Variants in ZNF341 observed in about 807,000 individuals in gnomAD.
ZNF341 encodes the protein zinc finger protein 341.
A neutral mutation model predicts 87.7 loss-of-function variants in ZNF341; 52 were observed. That is an observed-to-expected ratio of 0.59 (90% confidence interval 0.47 to 0.75). The LOEUF (loss-of-function observed/expected upper bound fraction) is 0.75, where lower values mean the gene tolerates loss of function less well. Among genes scored for constraint, ZNF341 ranks in the 30% least tolerant of loss-of-function variants. The probability of loss-of-function intolerance (pLI) is 0.00; values close to 1 mark genes in which losing one functional copy is unlikely to be tolerated. For missense variants in ZNF341, 977 were observed against 1,145.9 expected (o/e 0.85, Z 2.13); for synonymous variants, 459 against 472.7 (o/e 0.97, Z 0.38).
intron 3 of ZNF341, among the ~76,000 whole-genome samples, chr20:33,747,626 A>C (rs1360562455): frequency 7.5e-6 from 1 of 132,828 alleles, no homozygotes; most frequent in Non-Finnish European, 1.5e-5. Flanking sequence ...AAAAAAAAAA[A>C]AAAAAAAAAA....
In ZNF341 at chr20:33,791,293, G is replaced by A. The variant is rs1331429075; in HGVS notation, c.2341G>A (p.Ala781Thr). 9 of 1,611,656 alleles carry A rather than the reference G, an allele frequency of 5.6e-6. No individual in the cohort carries two copies. The highest frequency in any genetic ancestry group is 2.2e-5 in the South Asian group (2 of 91,008). Reference sequence around the variant, plus strand: ...GCTGGAGGAGCTGAAGGACACAGGGGCTGGGCTGGTGCCCGAGGCTGTCCC... The same window carrying A: ...GCTGGAGGAGCTGAAGGACACAGGGACTGGGCTGGTGCCCGAGGCTGTCCC... ...LGLEELKDTGAGLVPEAVPGK... is the reference protein window; with the variant it reads ...LGLEELKDTGTGLVPEAVPGK... The change falls in exon 15 of 15, where the codon GCT becomes ACT. Residue 781 changes from alanine to threonine, a missense_variant. By Grantham distance (58) the Ala-to-Thr change is moderately conservative. Transcript: ENST00000375200.
intron 11 of ZNF341, 143 bp downstream of exon 11, chr20:33,781,530 C>T (rs1327868038): frequency 1.4e-6 from 1 of 697,018 alleles, no homozygotes; most frequent in Non-Finnish European, 2.5e-6. Context: ...ACAGATGACA[C>T]AGTGTCTCTG....
chr20:33,752,360 A>G (rs1198499594), intron 4 of ZNF341: 1 of 627,058 alleles, frequency 1.6e-6, no homozygotes, highest in African/African-American at 1.8e-5. Context: ...ATCAATGCAC[A>G]CATCTGGAGT....
At chr20:33,779,330 C>A (rs2019692703) in intron 10 of ZNF341, among the ~76,000 whole-genome samples, 1 of 152,174 alleles carries the variant, frequency 6.6e-6, no homozygotes, top group African/African-American at 2.4e-5. Flanking sequence ...GAGAAATCCA[C>A]CCCCATGATC....
At chr20:33,785,092 A>G (rs1235452455) in intron 12 of ZNF341, among the ~76,000 whole-genome samples, 2 of 152,134 alleles carry the variant, frequency 1.3e-5, no homozygotes, top group South Asian at 4.1e-4. Flanking sequence ...ATTGCTTTTT[A>G]ATTGAAAAGG....
intron 10 of ZNF341, 42 bp downstream of exon 10, chr20:33,770,334 GTGGGCA>G: frequency 7.0e-7 from 1 of 1,426,554 alleles, no homozygotes; most frequent in Non-Finnish European, 9.8e-7. Flanking sequence ...GGACGGGTGG[GTGGGCA>G]GGGAGCCCAG....
At position 33,741,778 on chromosome 20, in the gene ZNF341, C is replaced by T. The variant is rs569839949; in HGVS notation, c.142+766C>T. Among the ~76,000 whole-genome samples, 5 of 152,276 alleles carry T rather than the reference C, an allele frequency of 3.3e-5. No homozygotes were observed. The South Asian group carries it at 1.0e-3, about 32-fold the overall frequency. On this transcript the variant is annotated intron_variant, in intron 2 of 14. Transcript: ENST00000375200. ...TTCATTCCACAAACATTTTTGTGTA[C>T]TTGGGAATCACACTAGGGGCAGGGA...
intron 3 of ZNF341, among the ~76,000 whole-genome samples, chr20:33,747,770 A>T (rs995770219): frequency 8.0e-4 from 110 of 137,264 alleles, no homozygotes; most frequent in African/African-American, 2.9e-3. Context: ...GCCTTGGCTC[A>T]CTGCAACCTC....
chr20:33,758,315 G>A (rs865805215), intron 6 of ZNF341, among the ~76,000 whole-genome samples: 2 of 152,186 alleles, frequency 1.3e-5, no homozygotes, highest in Non-Finnish European at 2.9e-5. Context: ...AGGCAAGGGG[G>A]AACAGCAGGT....
chr20:33,757,936 G>T (rs11907087), intron 6 of ZNF341, among the ~76,000 whole-genome samples: 1 of 152,188 alleles, frequency 6.6e-6, no homozygotes, highest in Non-Finnish European at 1.5e-5. Context: ...CAGATGCTAA[G>T]TATGGGGTGG....
Position 33,745,225 on chromosome 20 carries a change from G to C in ZNF341, c.265G>C (p.Ala89Pro), listed in dbSNP as rs1461237443. The C allele has an allele frequency of 1.9e-6, 3 of 1,614,048 alleles. No individual in the cohort carries two copies. The highest frequency in any genetic ancestry group is 3.3e-5 in the Admixed American group (2 of 59,978). ...NAPALATVSL[A>P]TNSIYPPSAA... ...CCCCGCCCTGGCCACAGTCTCACTG[G>C]CCACCAACAGCATCTACCCACCTTC... Residue 89 changes from alanine to proline, a missense_variant, in exon 3 of 15, where the codon GCC becomes CCC. Around this residue, in one of 3 missense-constraint regions of ZNF341, gnomAD observed 515 missense variants for 598.2 expected, o/e 0.86. Coordinates refer to ENST00000375200, the MANE Select transcript of ZNF341 (RefSeq NM_001282933.2).
At chr20:33,786,216 C>G (rs2019859823) in intron 12 of ZNF341, among the ~76,000 whole-genome samples, 1 of 151,740 alleles carries the variant, frequency 6.6e-6, no homozygotes, top group East Asian at 1.9e-4. Context: ...GTTGGCCAGG[C>G]TGGTCTCGAA....
At chr20:33,765,927 G>A (rs2019395961) in intron 8 of ZNF341, among the ~76,000 whole-genome samples, 1 of 152,196 alleles carries the variant, frequency 6.6e-6, no homozygotes. Context: ...TTGTTGCCCA[G>A]GCTGGAGTGC....
intron 10 of ZNF341, among the ~76,000 whole-genome samples, chr20:33,770,518 A>G (rs1489908298): frequency 6.6e-6 from 1 of 151,966 alleles, no homozygotes; most frequent in Non-Finnish European, 1.5e-5. Context: ...CTTGGCAGAC[A>G]TTTTTCCCAA....
chr20:33,773,563 G>A (rs577380526), intron 10 of ZNF341, among the ~76,000 whole-genome samples: 67 of 152,222 alleles, frequency 4.4e-4, no homozygotes, highest in African/African-American at 1.6e-3. Flanking sequence ...TCTGAGCCTC[G>A]GTTTTCTCCT....
In ZNF341 at chr20:33,753,312, C is replaced by A; in HGVS notation, c.630C>A (p.Pro210=). ...PPQSLGPPGR[P]NPGGNGVVEV... ...AGAGCCTGGGCCCCCCTGGGCGTCCCAACCCTGGTGGGAACGGTGTGGTGG... is the reference window on the plus strand; with the variant it reads ...AGAGCCTGGGCCCCCCTGGGCGTCCAAACCCTGGTGGGAACGGTGTGGTGG... Residue 210 remains proline, a synonymous_variant, in exon 5 of 15, where the codon CCC becomes CCA. Coordinates refer to ENST00000375200, the MANE Select transcript of ZNF341 (RefSeq NM_001282933.2). 2 of 1,611,842 alleles carry A rather than the reference C, an allele frequency of 1.2e-6. No homozygotes were observed. The highest frequency in any genetic ancestry group is 1.3e-5 in the African/African-American group (1 of 75,012).
rs1290422423 is a variant in ZNF341, at chr20:33,732,939, T to A, written c.31+887T>A. Among the ~76,000 whole-genome samples the A allele has an allele frequency of 6.6e-6, 1 of 151,596 alleles. No homozygotes were observed. Among genetic ancestry groups the A allele is most frequent in the East Asian group, 1.9e-4 (1 of 5,144 alleles). ...CAGACCAAGAATGGTCTTGGAGGAG[T>A]GGGATGAGATGAGTATACAGATAGG... On this transcript the variant is annotated intron_variant, in intron 1 of 14. Coordinates refer to ENST00000375200, the MANE Select transcript of ZNF341 (RefSeq NM_001282933.2). This position sits in a 1 kb window ranked among gnomAD's most constrained non-coding sequence, Gnocchi z 4.5.
intron 3 of ZNF341, among the ~76,000 whole-genome samples, chr20:33,747,670 G>A (rs1262658633): frequency 1.4e-5 from 2 of 141,034 alleles, no homozygotes; most frequent in Non-Finnish European, 3.1e-5. Context: ...CTGCTTGACT[G>A]TGAGTTTTGC....
intron 3 of ZNF341, among the ~76,000 whole-genome samples, chr20:33,746,607 C>T (rs563622985): frequency 2.0e-5 from 3 of 152,110 alleles, no homozygotes; most frequent in Admixed American, 2.0e-4. Flanking sequence ...TGACTTTTAT[C>T]AGGTCACTCT....
Sources: allele counts gnomAD v4.1 joint callset (sites outside exome capture counted in the v4.1 genomes callset), GRCh38; gene constraint gnomAD v4.1.1; regional missense constraint gnomAD v4.1.1; non-coding constraint Gnocchi (gnomAD v3.1); transcripts MANE v1.5; gene names NCBI Gene and HGNC (gene_info 2026-07-23, HGNC 2026-07-21).